The following CDH11 variants were observed in gnomAD, a reference collection of about 807,000 sequenced individuals.
CDH11 encodes the protein cadherin 11, also known as cadherin-11.
A neutral mutation model predicts 67.8 loss-of-function variants in CDH11; 11 were observed. The ratio of observed to expected loss-of-function variants is 0.16; its 90% CI spans 0.10 to 0.27. CDH11 has a LOEUF of 0.27. CDH11 is among the 10% of genes least tolerant of loss of function. CDH11 has a pLI of 1.00. For missense variants in CDH11, 847 were observed against 1,031.2 expected (o/e 0.82, Z 2.45); for synonymous variants, 419 against 400.0 (o/e 1.05, Z -0.57).
chr16:65,076,079 A>G (rs746253073), intron 1 of CDH11, among the ~76,000 whole-genome samples: 5 of 152,148 alleles, frequency 3.3e-5, no homozygotes, highest in Non-Finnish European at 5.9e-5. Context: ...GTAGAATGAG[A>G]TGAGTGCACC....
intron 1 of CDH11, among the ~76,000 whole-genome samples, chr16:65,115,439 G>A (rs754058203): frequency 4.6e-5 from 7 of 152,104 alleles, no homozygotes; most frequent in Non-Finnish European, 1.0e-4. Context: ...ACTGCTACCT[G>A]TTCTCATTAG....
intron 2 of CDH11, among the ~76,000 whole-genome samples, chr16:65,047,791 T>C (rs529954410): frequency 6.6e-6 from 1 of 152,326 alleles, no homozygotes; most frequent in African/African-American, 2.4e-5. Flanking sequence ...CTTAACAACT[T>C]CTGTACTGTT....
intron 1 of CDH11, among the ~76,000 whole-genome samples, chr16:65,114,878 CAG>C (rs1468154607): frequency 1.3e-5 from 2 of 152,144 alleles, no homozygotes; most frequent in Non-Finnish European, 2.9e-5. Context: ...CTGCAAAAGA[CAG>C]AAACCCACAA....
chr16:64,956,504 C>T (rs1450027856), intron 11 of CDH11, among the ~76,000 whole-genome samples: 1 of 152,186 alleles, frequency 6.6e-6, no homozygotes. Flanking sequence ...CAGTCCTGGA[C>T]AATATATTTC....
chr16:65,111,317 G>A (rs533173385), intron 1 of CDH11, among the ~76,000 whole-genome samples: 10 of 152,276 alleles, frequency 6.6e-5, no homozygotes, highest in South Asian at 2.1e-4. Flanking sequence ...ACCCCAGTGC[G>A]ATGGGGAAAT....
chr16:65,028,923 T>G (rs1449057610), intron 2 of CDH11, among the ~76,000 whole-genome samples: 1 of 152,112 alleles, frequency 6.6e-6, no homozygotes, highest in East Asian at 1.9e-4. Context: ...TGCCAGGACC[T>G]AGGGGCAGGG....
chr16:65,043,273 C>A (rs2073897574), intron 2 of CDH11, among the ~76,000 whole-genome samples: 1 of 151,724 alleles, frequency 6.6e-6, no homozygotes, highest in South Asian at 2.1e-4. Flanking sequence ...AGGCTTGTTG[C>A]AAAATATTTA....
chr16:65,049,212 A>G (rs1014063773), intron 2 of CDH11, among the ~76,000 whole-genome samples: 3 of 152,190 alleles, frequency 2.0e-5, no homozygotes, highest in Non-Finnish European at 4.4e-5. Flanking sequence ...AAAAAAACTC[A>G]AGTAGAGATT....
chr16:65,000,819 A>C (rs545802594), intron 3 of CDH11, among the ~76,000 whole-genome samples: 1 of 151,990 alleles, frequency 6.6e-6, no homozygotes, highest in Non-Finnish European at 1.5e-5. Context: ...AAAAATAAAT[A>C]AATTAATTAA....
At chr16:65,043,099 C>A (rs887783995) in intron 2 of CDH11, among the ~76,000 whole-genome samples, 4 of 152,184 alleles carry the variant, frequency 2.6e-5, no homozygotes, top group African/African-American at 9.7e-5. Flanking sequence ...TATCTGCCTT[C>A]AGAGTAGAAG....
rs971212155 is a variant in CDH11 at position 64,944,681 on chromosome 16, A to T, written c.*2922T>A. The T allele has an allele frequency of 8.6e-6, 2 of 231,900 alleles. No individual in the cohort carries two copies. Among genetic ancestry groups the T allele is most frequent in the East Asian group, 1.2e-4 (2 of 16,426 alleles). 14.4% of individuals were successfully genotyped at this position (231,900 alleles called of 1,614,324 possible). ...GCAATTCTCCAAGAGGTGCAAATAA[A>T]CTACTCTTTTATCTTCCCTGTCACC... On this transcript the variant is annotated 3_prime_UTR_variant, in exon 13 of 13. Transcript: ENST00000268603.
intron 1 of CDH11, among the ~76,000 whole-genome samples, chr16:65,060,307 A>C (rs1000617078): frequency 6.7e-6 from 1 of 149,930 alleles, no homozygotes; most frequent in African/African-American, 2.5e-5. Flanking sequence ...GAATAAGGGG[A>C]AATATCTAAG....
intron 6 of CDH11, chr16:64,991,521 ACG>A: frequency 4.5e-6 from 2 of 443,836 alleles, no homozygotes; most frequent in Non-Finnish European, 8.2e-6. Context: ...CTTAGCAAAA[ACG>A]ATATTTTGTT....
chr16:65,039,936 G>A (rs2073833530), intron 2 of CDH11, among the ~76,000 whole-genome samples: 1 of 152,192 alleles, frequency 6.6e-6, no homozygotes, highest in Non-Finnish European at 1.5e-5. Flanking sequence ...AGACATTTAT[G>A]CAGCCAAAAG....
At chr16:65,074,821 T>A (rs1050885356) in intron 1 of CDH11, among the ~76,000 whole-genome samples, 1 of 152,232 alleles carries the variant, frequency 6.6e-6, no homozygotes, top group Non-Finnish European at 1.5e-5. Context: ...CTTTAACTTG[T>A]TCCTAATTAT....
Position 64,946,865 on chromosome 16 carries a change from A to G in CDH11, c.*738T>C, listed in dbSNP as rs2071207847. 1.2e-6 allele frequency: 1 copy of G among 834,012 alleles called. No homozygotes were observed. Among genetic ancestry groups the G allele is most frequent in the Non-Finnish European group, 1.5e-6 (1 of 680,944 alleles). 51.7% of individuals were successfully genotyped at this position (834,012 alleles called of 1,614,324 possible). On this transcript the variant is annotated 3_prime_UTR_variant, in exon 13 of 13. Transcript: ENST00000268603. ...CAACAGTACAATGTTCATAAAATAT[A>G]AGTGTGATGCCGTAACATTTTCTTA...
chr16:65,012,069 A>G (rs763692659), intron 2 of CDH11, among the ~76,000 whole-genome samples: 1 of 152,210 alleles, frequency 6.6e-6, no homozygotes, highest in Non-Finnish European at 1.5e-5. Flanking sequence ...CTCAAACAAT[A>G]CTGAGACTGT....
chr16:64,947,914 T>G lies in CDH11; in HGVS notation c.2080A>C (p.Lys694Gln), dbSNP rs777307769. ...TACTGATACTCAGGTTTGATGTCTT[T>G]GCGGGGGATAAATCCATTGATACCA... Reference protein sequence around the residue: ...PDGINGFIPRKDIKPEYQYMP... With the variant: ...PDGINGFIPRQDIKPEYQYMP... The change falls in exon 13 of 13, where the codon AAA becomes CAA. Residue 694 changes from lysine (K) to glutamine (Q), a missense_variant. Lys to Gln is a moderately conservative substitution (Grantham distance 53). This residue lies in a region of CDH11 where 612 missense variants were observed against 678.7 expected (regional missense o/e 0.90). Coordinates refer to ENST00000268603, the MANE Select transcript of CDH11 (RefSeq NM_001797.4). The G allele has an allele frequency of 6.2e-7, 1 of 1,614,166 alleles. No homozygotes were observed. Among genetic ancestry groups the G allele is most frequent in the South Asian group, 1.1e-5 (1 of 91,078 alleles).
Position 64,950,986 on chromosome 16 carries a change from C to A in CDH11, c.1675G>T (p.Gly559Trp). 1 of 1,614,096 alleles carries A rather than the reference C, an allele frequency of 6.2e-7. No homozygotes were observed. The highest frequency in any genetic ancestry group is 8.5e-7 in the Non-Finnish European group (1 of 1,180,036). The change falls in exon 12 of 13, where the codon GGG becomes TGG. Residue 559 changes from glycine to tryptophan, a missense_variant. Transcript: ENST00000268603. Reference protein sequence around the residue: ...NTAGVYARRGGFSRQKQDLYL... With the variant: ...NTAGVYARRGWFSRQKQDLYL... ...AAGTCCTGCTTCTGCCGACTGAACC[C>A]TCCACGCCGGGCGTACACGCCTGCT...
Sources: gnomAD v4.1 joint callset for allele counts (sites outside exome capture counted in the v4.1 genomes callset) on GRCh38, gnomAD v4.1.1 for gene constraint, gnomAD v4.1.1 regional missense constraint, MANE v1.5 for transcripts, NCBI Gene and HGNC (gene_info 2026-07-23, HGNC 2026-07-21) for gene names.